GKAP1: variants seen among roughly 807,000 people sequenced by gnomAD.
The protein encoded by GKAP1 is G kinase-anchoring protein 1.
GKAP1 carries 31 observed loss-of-function variants against 56.7 expected under a neutral mutation model. That is an observed-to-expected ratio of 0.55 (90% confidence interval 0.41 to 0.74). GKAP1 has a LOEUF of 0.74. Among genes scored for constraint, GKAP1 ranks in the 30% least tolerant of loss-of-function variants. GKAP1 has a pLI of 0.00. For missense variants in GKAP1, 364 were observed against 402.3 expected, an observed-to-expected ratio of 0.90 and a Z score of 0.82; for synonymous variants, 151 against 138.6, an observed-to-expected ratio of 1.09 and a Z score of -0.63.
Position 83,812,270 on chromosome 9 carries a change from C to CAT in GKAP1, c.-44+4724_-44+4725dup, listed in dbSNP as rs549125500. Among the ~76,000 whole-genome samples the CAT allele has an allele frequency of 1.7e-3, 249 of 146,480 alleles. 2 individuals are homozygous for CAT. The highest frequency in any genetic ancestry group is 5.8e-3 in the African/African-American group (232 of 39,862). ...GTATATATGTATACGTATATATACA[C>CAT]ATATATATACACATATATACGTATA... On this transcript the variant is annotated intron_variant, in intron 2 of 12. Coordinates refer to ENST00000376371, the MANE Select transcript of GKAP1 (RefSeq NM_025211.4).
At chr9:83,758,899 A>C (rs1270347486) in intron 8 of GKAP1, among the ~76,000 whole-genome samples, 1 of 152,220 alleles carries the variant, frequency 6.6e-6, no homozygotes, top group Non-Finnish European at 1.5e-5. Flanking sequence ...CACATTGGAT[A>C]GAGGAAAGAA....
intron 7 of GKAP1, among the ~76,000 whole-genome samples, chr9:83,779,526 T>TATATGTGTATATATATACAC: frequency 8.2e-6 from 1 of 122,586 alleles, no homozygotes; most frequent in Non-Finnish European, 1.7e-5. Flanking sequence ...TATATACACG[T>TATATGTGTATATATATACAC]GTATATGTGT....
At chr9:83,772,058 A>G (rs1943772615) in intron 7 of GKAP1, among the ~76,000 whole-genome samples, 1 of 152,096 alleles carries the variant, frequency 6.6e-6, no homozygotes, top group Admixed American at 6.6e-5. Context: ...GGGGGAGAAA[A>G]GCAAAAATAA....
chr9:83,804,367 C>G (rs1338750668), intron 3 of GKAP1, among the ~76,000 whole-genome samples: 2 of 113,062 alleles, frequency 1.8e-5, no homozygotes, highest in African/African-American at 3.8e-5. Flanking sequence ...GCCCCCCGCC[C>G]GGCCAGCCGC....
At chr9:83,769,581 A>G (rs187593485) in intron 7 of GKAP1, among the ~76,000 whole-genome samples, 2 of 152,276 alleles carry the variant, frequency 1.3e-5, no homozygotes, top group East Asian at 3.9e-4. Context: ...ATTCCTTTTT[A>G]TTGCCAAATA....
intron 8 of GKAP1, among the ~76,000 whole-genome samples, chr9:83,763,256 C>G (rs771892069): frequency 1.3e-5 from 2 of 151,990 alleles, no homozygotes; most frequent in Non-Finnish European, 2.9e-5. Context: ...AATGGAGTTA[C>G]AAAGTAGAAG....
intron 3 of GKAP1, among the ~76,000 whole-genome samples, chr9:83,804,353 G>A (rs1186300660): frequency 7.5e-6 from 1 of 132,718 alleles, no homozygotes; most frequent in Non-Finnish European, 1.6e-5. Flanking sequence ...AGGTGGGGGG[G>A]TCAGCCCCCC....
chr9:83,741,839 T>C lies in GKAP1; in HGVS notation c.1053+113A>G, dbSNP rs1193593492. 5.2e-5 allele frequency: 33 copies of C among 639,436 alleles called. No homozygotes were observed. In the East Asian group the frequency reaches 5.7e-4, roughly 11 times the overall value. 39.6% of individuals were successfully genotyped at this position (639,436 alleles called of 1,614,324 possible). ...ATGACCGATAATAAAATTATCAATATATTTAGTGAATAAATTTTGGCCTAA... is the reference window on the plus strand; with the variant it reads ...ATGACCGATAATAAAATTATCAATACATTTAGTGAATAAATTTTGGCCTAA... On this transcript the variant is annotated intron_variant, in intron 12 of 12. Coordinates refer to ENST00000376371, the MANE Select transcript of GKAP1 (RefSeq NM_025211.4).
intron 5 of GKAP1, 59 bp from the exon 6 acceptor site, chr9:83,784,897 C>A: frequency 2.3e-6 from 3 of 1,328,190 alleles, no homozygotes; most frequent in East Asian, 2.5e-5. Flanking sequence ...ATAAACTCAC[C>A]AACAGGTAAT....
chr9:83,800,967 TTTGTCTTAAG>T (rs1234365614), intron 3 of GKAP1, among the ~76,000 whole-genome samples: 1 of 152,352 alleles, frequency 6.6e-6, no homozygotes, highest in East Asian at 1.9e-4. Flanking sequence ...TTCAATTTAA[TTTGTCTTAAG>T]TTTTTAACAA....
At chr9:83,806,147 T>C (rs920864586) in intron 3 of GKAP1, among the ~76,000 whole-genome samples, 155 bp downstream of exon 3, 17 of 152,236 alleles carry the variant, frequency 1.1e-4, no homozygotes, top group Admixed American at 2.0e-4. Flanking sequence ...ACATTTGATT[T>C]TAAATATACA....
intron 8 of GKAP1, among the ~76,000 whole-genome samples, chr9:83,766,377 T>C (rs1943663620): frequency 7.0e-6 from 1 of 142,554 alleles, no homozygotes; most frequent in Non-Finnish European, 1.5e-5. Flanking sequence ...TACATAAAAT[T>C]TGGAAGTTGA....
rs1400935355 is a variant in GKAP1 at position 83,758,637 on chromosome 9, T to TTCTAGCACACTGC, written c.739-5279_739-5278insGCAGTGTGCTAGA. On this transcript the variant is annotated intron_variant, in intron 8 of 12. Transcript: ENST00000376371. ...GGTGGTGCATGCCAGTAATCCCAGC[T>TTCTAGCACACTGC]ACTTGGGAGGCTGAGGCAGGAGCAT... Among the ~76,000 whole-genome samples, 121 of 151,626 alleles carry TTCTAGCACACTGC rather than the reference T, an allele frequency of 8.0e-4. 1 individual carries two copies. Among genetic ancestry groups the TTCTAGCACACTGC allele is most frequent in the African/African-American group, 2.9e-3 (121 of 41,346 alleles).
chr9:83,739,807 T>G, intron 12 of GKAP1, 63 bp from the exon 13 acceptor site: 1 of 1,345,486 alleles, frequency 7.4e-7, no homozygotes, highest in Non-Finnish European at 1.0e-6. Context: ...ACCACTTCAT[T>G]TAAAAAATAT....
intron 6 of GKAP1, among the ~76,000 whole-genome samples, chr9:83,781,955 T>C (rs1336584892): frequency 6.6e-6 from 1 of 151,416 alleles, no homozygotes; most frequent in African/African-American, 2.4e-5. Flanking sequence ...GTGATTCTCC[T>C]GCCTCAGCCT....
intron 12 of GKAP1, among the ~76,000 whole-genome samples, chr9:83,740,360 A>G (rs1943185770): frequency 6.6e-6 from 1 of 151,780 alleles, no homozygotes; most frequent in Non-Finnish European, 1.5e-5. Flanking sequence ...TTACATAAAT[A>G]TTTTAACATA....
chr9:83,793,308 G>T (rs1222232935), intron 4 of GKAP1, among the ~76,000 whole-genome samples: 1 of 152,178 alleles, frequency 6.6e-6, no homozygotes. Flanking sequence ...GCAGCCAACT[G>T]ATTGGACTTA....
chr9:83,816,712 G>C (rs758153836), intron 2 of GKAP1, among the ~76,000 whole-genome samples: 8 of 152,196 alleles, frequency 5.3e-5, no homozygotes, highest in Non-Finnish European at 1.2e-4. Flanking sequence ...TTTAGTGTAA[G>C]ACAGACGATC....
chr9:83,772,843 AGTT>A (rs1943785714), intron 7 of GKAP1, among the ~76,000 whole-genome samples: 1 of 152,216 alleles, frequency 6.6e-6, no homozygotes, highest in Non-Finnish European at 1.5e-5. Flanking sequence ...TGAAATCACC[AGTT>A]ATTAGGAACA....
Sources: gnomAD v4.1 joint callset for allele counts (sites outside exome capture counted in the v4.1 genomes callset) on GRCh38, gnomAD v4.1.1 for gene constraint, MANE v1.5 for transcripts, NCBI Gene and HGNC (gene_info 2026-07-23, HGNC 2026-07-21) for gene names.